GABRB1: variants seen among roughly 807,000 people sequenced by gnomAD.
GABRB1 encodes gamma-aminobutyric acid receptor subunit beta-1.
Under a neutral mutation model 51.6 loss-of-function variants are expected in GABRB1, and 17 were observed. The observed-to-expected ratio is 0.33, with a 90% CI of 0.23 to 0.49. GABRB1 has a LOEUF of 0.49. GABRB1 is among the 20% of genes least tolerant of loss of function. GABRB1 has a pLI of 0.99. For synonymous variants in GABRB1, 247 were observed against 218.9 expected (o/e 1.13, Z -1.14); for missense variants, 410 against 600.6 (o/e 0.68, Z 3.32).
chr4:47,269,891 A>G (rs1722790336), intron 4 of GABRB1, among the ~76,000 whole-genome samples: 1 of 149,646 alleles, frequency 6.7e-6, no homozygotes, highest in Non-Finnish European at 1.5e-5. Context: ...ATTATTCACT[A>G]CTTAACAAAC....
At chr4:47,389,116 G>A (rs908609319) in intron 5 of GABRB1, among the ~76,000 whole-genome samples, 2 of 152,152 alleles carry the variant, frequency 1.3e-5, no homozygotes, top group South Asian at 4.1e-4. Flanking sequence ...CACACTTGGG[G>A]AAGTCACATC....
At chr4:47,328,639 C>A (rs1159969012) in intron 5 of GABRB1, among the ~76,000 whole-genome samples, 1 of 152,006 alleles carries the variant, frequency 6.6e-6, no homozygotes, top group Non-Finnish European at 1.5e-5. Flanking sequence ...AAGCTGGAAA[C>A]CATCATTCTC....
chr4:47,065,905 A>G (rs4525945), intron 3 of GABRB1, among the ~76,000 whole-genome samples: 55,532 of 152,138 alleles, frequency 0.37, 10,469 homozygotes, highest in African/African-American at 0.45. Flanking sequence ...ATTTATTAGC[A>G]TAGTTTGTTC....
At chr4:47,168,179 GAC>G (rs1473899636) in intron 4 of GABRB1, among the ~76,000 whole-genome samples, 2 of 152,016 alleles carry the variant, frequency 1.3e-5, no homozygotes, top group Non-Finnish European at 2.9e-5. Flanking sequence ...TTATATAACA[GAC>G]ACAATGCTTA....
rs574736820 is a variant in GABRB1 at position 47,184,901 on chromosome 4, G to T, written c.461+23432G>T. Among the ~76,000 whole-genome samples the T allele has an allele frequency of 2.8e-4, 43 of 151,886 alleles. No homozygotes were observed. The South Asian group carries it at 8.5e-3, about 30-fold the overall frequency. ...ATTATATCTTTTAGGCAGAGTAGCT[G>T]CAAAACAGGTCAGGACTCAGGGGTC... On this transcript the variant is annotated intron_variant, in intron 4 of 8. Coordinates refer to ENST00000295454, the MANE Select transcript of GABRB1 (RefSeq NM_000812.4).
At chr4:47,106,369 C>T (rs980194450) in intron 3 of GABRB1, among the ~76,000 whole-genome samples, 1 of 151,860 alleles carries the variant, frequency 6.6e-6, no homozygotes, top group Non-Finnish European at 1.5e-5. Flanking sequence ...TCATGCCCAT[C>T]TTTAACAACA....
At position 47,005,059 on chromosome 4, in the gene GABRB1, T is replaced by A. The variant is rs185530497; in HGVS notation, c.-20+11133T>A. Among the ~76,000 whole-genome samples, 6 of 152,302 alleles carry A rather than the reference T, an allele frequency of 3.9e-5. No homozygotes were observed. In the East Asian group the frequency reaches 1.2e-3, roughly 29 times the overall value. ...GGCCTAGGGGGAGGCCAGACACACC[T>A]GGCTTTGTGACTCCTAGGGTTAATG... is the stretch of plus-strand genomic sequence containing the variant. On this transcript the variant is annotated intron_variant, in intron 1 of 3. Coordinates refer to the GABRB1 transcript ENST00000513567.
rs78495008 is a variant in GABRB1 at position 47,402,696 on chromosome 4, A to C, written c.545-622A>C. On this transcript the variant is annotated intron_variant, in intron 5 of 8. Transcript: ENST00000295454. Reference sequence around the variant, plus strand: ...AAATTAACTAAAGTTCACTCTCATAAGTATAAAGATATAAAAGCATTATCA... The same window carrying C: ...AAATTAACTAAAGTTCACTCTCATACGTATAAAGATATAAAAGCATTATCA... 4.9e-3 allele frequency among the ~76,000 whole-genome samples: 750 copies of C among 152,330 alleles called. 10 individuals are homozygous for C. The highest frequency in any genetic ancestry group is 0.018 in the African/African-American group (729 of 41,584).
chr4:47,363,606 C>A (rs1726879487), intron 5 of GABRB1, among the ~76,000 whole-genome samples: 1 of 152,068 alleles, frequency 6.6e-6, no homozygotes, highest in African/African-American at 2.4e-5. Flanking sequence ...CCCTGGTTAC[C>A]ATTAGAGAAT....
intron 2 of GABRB1, 38 bp from the exon 3 acceptor site, chr4:47,032,379 A>G: frequency 6.5e-7 from 1 of 1,541,158 alleles, no homozygotes; most frequent in Non-Finnish European, 8.8e-7. Context: ...GCTGTCACTG[A>G]GAGAATCTGT....
intron 5 of GABRB1, among the ~76,000 whole-genome samples, chr4:47,390,339 T>C (rs1727942131): frequency 6.6e-6 from 1 of 152,204 alleles, no homozygotes; most frequent in Non-Finnish European, 1.5e-5. Flanking sequence ...TGCCCACCCA[T>C]GGATTAGAAG....
At chr4:47,249,869 T>C (rs963339222) in intron 4 of GABRB1, among the ~76,000 whole-genome samples, 1 of 152,158 alleles carries the variant, frequency 6.6e-6, no homozygotes, top group Admixed American at 6.5e-5. Flanking sequence ...GATTGGTGAG[T>C]TCTTATCCAT....
At chr4:47,295,792 A>G (rs1251986788) in intron 4 of GABRB1, among the ~76,000 whole-genome samples, 1 of 152,220 alleles carries the variant, frequency 6.6e-6, no homozygotes, top group Non-Finnish European at 1.5e-5. Context: ...GAGCAACTCC[A>G]AGACACATAA....
At chr4:47,106,741 T>TAA (rs1714988228) in intron 3 of GABRB1, among the ~76,000 whole-genome samples, 1 of 152,192 alleles carries the variant, frequency 6.6e-6, no homozygotes, top group South Asian at 2.1e-4. Context: ...CTCCCATCTC[T>TAA]TTCCGAGGTT....
chr4:47,229,904 T>A (rs982359465), intron 4 of GABRB1, among the ~76,000 whole-genome samples: 1 of 152,114 alleles, frequency 6.6e-6, no homozygotes, highest in Non-Finnish European at 1.5e-5. Flanking sequence ...AAATCTTGAT[T>A]TCAGGATTCT....
intron 5 of GABRB1, among the ~76,000 whole-genome samples, chr4:47,370,614 T>C (rs1727154720): frequency 6.6e-6 from 1 of 152,086 alleles, no homozygotes; most frequent in Admixed American, 6.5e-5. Flanking sequence ...ACAATACTTC[T>C]GGCCTTAGGG....
At chr4:47,118,462 C>A (rs1715602663) in intron 3 of GABRB1, among the ~76,000 whole-genome samples, 1 of 152,062 alleles carries the variant, frequency 6.6e-6, no homozygotes, top group African/African-American at 2.4e-5. Context: ...TATCACTTTA[C>A]AGTTTTAAAA....
chr4:47,334,971 A>C (rs1172440814), intron 5 of GABRB1, among the ~76,000 whole-genome samples: 2 of 152,194 alleles, frequency 1.3e-5, no homozygotes, highest in Admixed American at 1.3e-4. Flanking sequence ...TCCTGGGCAG[A>C]GTGATGAATC....
intron 4 of GABRB1, among the ~76,000 whole-genome samples, chr4:47,195,251 C>T (rs188031185): frequency 6.6e-6 from 1 of 152,214 alleles, no homozygotes; most frequent in African/African-American, 2.4e-5. Flanking sequence ...CCTGTAGTCC[C>T]AGCTACTTGG....
Sources: allele counts gnomAD v4.1 joint callset (sites outside exome capture counted in the v4.1 genomes callset), GRCh38; gene constraint gnomAD v4.1.1; transcripts MANE v1.5; gene names NCBI Gene and HGNC (gene_info 2026-07-23, HGNC 2026-07-21).